CARMIL1: variants seen among roughly 807,000 people sequenced by gnomAD.
The protein encoded by CARMIL1 is capping protein regulator and myosin 1 linker 1.
In CARMIL1, 90 loss-of-function variants were observed where a neutral mutation model predicts 177.1. The ratio of observed to expected loss-of-function variants is 0.51; its 90% CI spans 0.43 to 0.61. The LOEUF (loss-of-function observed/expected upper bound fraction) is 0.61. Ranked by LOEUF, CARMIL1 falls within the 20% of genes least tolerant of loss-of-function variation. CARMIL1 has a pLI of 0.00. For missense variants in CARMIL1, 1,380 were observed against 1,667.0 expected (o/e 0.83, Z 3.00); for synonymous variants, 577 against 606.2 (o/e 0.95, Z 0.71).
chr6:25,312,931 A>C (rs1482047284), intron 2 of CARMIL1, among the ~76,000 whole-genome samples: 1 of 150,516 alleles, frequency 6.6e-6, no homozygotes. Context: ...AAAAAAAAAA[A>C]CCAGAGGAGG....
chr6:25,349,795 T>C (rs7770521), intron 2 of CARMIL1, among the ~76,000 whole-genome samples: 14,303 of 150,374 alleles, frequency 0.095, 916 homozygotes, highest in African/African-American at 0.17. Flanking sequence ...GTGGTACAAT[T>C]TCGGCTCACT....
chr6:25,478,381 C>A (rs555376361), intron 11 of CARMIL1, among the ~76,000 whole-genome samples: 1 of 152,150 alleles, frequency 6.6e-6, no homozygotes, highest in Non-Finnish European at 1.5e-5. Context: ...CCTACCTTCT[C>A]TGTACCTCAG....
intron 9 of CARMIL1, 127 bp downstream of exon 9, chr6:25,466,075 T>C: frequency 1.5e-6 from 1 of 648,770 alleles, no homozygotes; most frequent in Non-Finnish European, 2.7e-6. Flanking sequence ...CTTGAGGAGG[T>C]ATTTTCCTTT....
chr6:25,390,321 T>TGTATA (rs1491117122), intron 2 of CARMIL1, among the ~76,000 whole-genome samples: 21 of 38,200 alleles, frequency 5.5e-4, no homozygotes, highest in African/African-American at 1.9e-3. Flanking sequence ...TATATATATA[T>TGTATA]TTTTTTTTTT....
In CARMIL1 at chr6:25,600,703, A is replaced by C; in HGVS notation, c.3509A>C (p.Glu1170Ala). 6.3e-7 allele frequency: 1 copy of C among 1,577,420 alleles called. No individual in the cohort carries two copies. Among genetic ancestry groups the C allele is most frequent in the Non-Finnish European group, 8.6e-7 (1 of 1,163,802 alleles). The change falls in exon 33 of 37, where the codon GAG becomes GCG. Residue 1170 changes from glutamate to alanine, a missense_variant. Physicochemically the swap from Glu to Ala is moderately radical, Grantham distance 107. Transcript: ENST00000329474. ...VQVMGSGLLA[E>A]MKAKQEKRAA... is the part of the protein sequence containing the mutation. Reference sequence around the variant, plus strand: ...GTGATGGGCAGTGGTCTGCTGGCAGAGATGAAAGCCAAGCAAGAGAAGAGA... The same window carrying C: ...GTGATGGGCAGTGGTCTGCTGGCAGCGATGAAAGCCAAGCAAGAGAAGAGA...
chr6:25,407,880 A>G (rs903940768), intron 2 of CARMIL1, among the ~76,000 whole-genome samples: 24 of 152,178 alleles, frequency 1.6e-4, no homozygotes, highest in Non-Finnish European at 3.4e-4. Context: ...CTGTAATGCT[A>G]ATGTGAATCA....
In CARMIL1 at chr6:25,297,550, G is replaced by C. The variant is rs539535917; in HGVS notation, c.138+12641G>C. Among the ~76,000 whole-genome samples the C allele has an allele frequency of 9.2e-5, 14 of 152,294 alleles. No homozygotes were observed. In the East Asian group the frequency reaches 1.2e-3, roughly 13 times the overall value. Reference sequence around the variant, plus strand: ...CTCTTTCTTGGCAAAGCCTGGATGCGAGAAGTTGGTCCAATCTTTCCTGTC... The same window carrying C: ...CTCTTTCTTGGCAAAGCCTGGATGCCAGAAGTTGGTCCAATCTTTCCTGTC... On this transcript the variant is annotated intron_variant, in intron 2 of 36. Coordinates refer to ENST00000329474, the MANE Select transcript of CARMIL1 (RefSeq NM_017640.6).
chr6:25,308,866 T>C (rs546446068), intron 2 of CARMIL1, among the ~76,000 whole-genome samples: 4 of 152,330 alleles, frequency 2.6e-5, no homozygotes, highest in African/African-American at 9.6e-5. Context: ...GTGGAAGCTT[T>C]ACATGACTGA....
chr6:25,412,776 A>T (rs1284770736), intron 2 of CARMIL1, among the ~76,000 whole-genome samples: 1 of 152,172 alleles, frequency 6.6e-6, no homozygotes, highest in Non-Finnish European at 1.5e-5. Flanking sequence ...TAGTGGGAAG[A>T]GGCTGGGTTT....
At chr6:25,398,866 TAATTGAGGGTTCA>T (rs1229264014) in intron 2 of CARMIL1, among the ~76,000 whole-genome samples, 1 of 152,212 alleles carries the variant, frequency 6.6e-6, no homozygotes, top group Non-Finnish European at 1.5e-5. Flanking sequence ...TTGAAGCTGA[TAATTGAGGGTTCA>T]AATTCTAACT....
chr6:25,490,262 C>T (rs1803072904), intron 13 of CARMIL1, among the ~76,000 whole-genome samples: 1 of 152,158 alleles, frequency 6.6e-6, no homozygotes, highest in South Asian at 2.1e-4. Context: ...TAAGAGCTCC[C>T]CCAGCTGGTA....
At chr6:25,402,346 C>T (rs80075882) in intron 2 of CARMIL1, among the ~76,000 whole-genome samples, 1,730 of 152,124 alleles carry the variant, frequency 0.011, 24 homozygotes, top group African/African-American at 0.037. Context: ...GTTAGAATGA[C>T]GGCCTGTAAG....
At chr6:25,345,431 C>T (rs1267159891) in intron 2 of CARMIL1, among the ~76,000 whole-genome samples, 1 of 152,128 alleles carries the variant, frequency 6.6e-6, no homozygotes, top group African/African-American at 2.4e-5. Context: ...GCCTGGATCT[C>T]TCTCTTGAAC....
rs1372584123 is a variant in CARMIL1 at position 25,554,922 on chromosome 6, C to T, written c.2592+826C>T. 2.0e-5 allele frequency among the ~76,000 whole-genome samples: 3 copies of T among 152,110 alleles called. No individual in the cohort carries two copies. Among genetic ancestry groups the T allele is most frequent in the Non-Finnish European group, 2.9e-5 (2 of 68,016 alleles). On this transcript the variant is annotated intron_variant, in intron 28 of 36. Coordinates refer to ENST00000329474, the MANE Select transcript of CARMIL1 (RefSeq NM_017640.6). This position sits in a 1 kb window ranked among gnomAD's most constrained non-coding sequence, Gnocchi z 4.6. ...AGAGGAGCAGCAATAGCTTCTTCTGCGTGAAACAGACAAAATGCATGTTTT... is the reference window on the plus strand; with the variant it reads ...AGAGGAGCAGCAATAGCTTCTTCTGTGTGAAACAGACAAAATGCATGTTTT...
chr6:25,465,878 T>G lies in CARMIL1; in HGVS notation c.620T>G (p.Leu207Arg). 6.2e-7 allele frequency: 1 copy of G among 1,609,292 alleles called. No homozygotes were observed. The highest frequency in any genetic ancestry group is 8.5e-7 in the Non-Finnish European group (1 of 1,175,690). Reference protein sequence around the residue: ...QDFSHLDHRDLIPIIAALEYN... With the variant: ...QDFSHLDHRDRIPIIAALEYN... Reference sequence around the variant, plus strand: ...TTTGTTGTTTCTGCTTCCAGGGACCTAATACCTATCATTGCTGCTCTGGAA... The same window carrying G: ...TTTGTTGTTTCTGCTTCCAGGGACCGAATACCTATCATTGCTGCTCTGGAA... Residue 207 changes from leucine (L) to arginine (R), a missense_variant, in exon 9 of 37, where the codon CTA (leucine) becomes CGA (arginine). Leu to Arg is a moderately radical substitution (Grantham distance 102). Coordinates refer to ENST00000329474, the MANE Select transcript of CARMIL1 (RefSeq NM_017640.6).
At chr6:25,585,960 A>G (rs1415612193) in intron 31 of CARMIL1, among the ~76,000 whole-genome samples, 1 of 152,248 alleles carries the variant, frequency 6.6e-6, no homozygotes, top group Non-Finnish European at 1.5e-5. Context: ...CTACACAGAC[A>G]CAGCAACAAT....
At chr6:25,341,642 T>C (rs972028316) in intron 2 of CARMIL1, among the ~76,000 whole-genome samples, 2 of 152,220 alleles carry the variant, frequency 1.3e-5, no homozygotes, top group Admixed American at 6.5e-5. Flanking sequence ...CACTTGAACC[T>C]GCAGGGCAGA....
chr6:25,298,817 CG>C (rs1782632049), intron 2 of CARMIL1, among the ~76,000 whole-genome samples: 1 of 149,596 alleles, frequency 6.7e-6, no homozygotes, highest in African/African-American at 2.5e-5. Context: ...TGCAATGGCG[CG>C]ATCTCGGCTC....
At chr6:25,452,705 C>T (rs1262934242) in intron 8 of CARMIL1, 1 of 152,546 alleles carries the variant, frequency 6.6e-6, no homozygotes, top group South Asian at 2.1e-4. Flanking sequence ...TAATGTTTGA[C>T]TTAATAGAAG....
Sources: allele counts gnomAD v4.1 joint callset (sites outside exome capture counted in the v4.1 genomes callset), GRCh38; gene constraint gnomAD v4.1.1; non-coding constraint Gnocchi (gnomAD v3.1); transcripts MANE v1.5; gene names NCBI Gene and HGNC (gene_info 2026-07-23, HGNC 2026-07-21).